NAV3: variants seen among roughly 807,000 people sequenced by gnomAD.
The protein encoded by NAV3 is neuron navigator 3, also known as pore membrane and/or filament interacting like protein 1.
A neutral mutation model predicts 244.7 loss-of-function variants in NAV3; 87 were observed. That is an observed-to-expected ratio of 0.36 (90% CI 0.30 to 0.42). The LOEUF is 0.42. Ranked by LOEUF, NAV3 falls within the 20% of genes least tolerant of loss-of-function variation. The pLI, the probability that NAV3 is intolerant of heterozygous loss-of-function variation, is 1.00. For synonymous variants in NAV3, 1,126 were observed against 1,042.2 expected (o/e 1.08, Z -1.55); for missense variants, 2,663 against 2,893.3 (o/e 0.92, Z 1.83).
intron 2 of NAV3, among the ~76,000 whole-genome samples, chr12:77,650,710 T>C (rs1333868526): frequency 1.3e-5 from 2 of 152,126 alleles, no homozygotes; most frequent in Non-Finnish European, 2.9e-5. Flanking sequence ...TCATGGATGT[T>C]ATAAACCTGA....
At chr12:77,575,775 G>A (rs1038348164) in intron 2 of NAV3, among the ~76,000 whole-genome samples, 1 of 152,092 alleles carries the variant, frequency 6.6e-6, no homozygotes, top group Non-Finnish European at 1.5e-5. Context: ...ATTGCTCCAT[G>A]AATATTTTGT....
At chr12:77,582,222 C>G (rs906850299) in intron 2 of NAV3, among the ~76,000 whole-genome samples, 1 of 152,170 alleles carries the variant, frequency 6.6e-6, no homozygotes, top group Non-Finnish European at 1.5e-5. Context: ...ATCTAATTTA[C>G]TAATGTGTTG....
At chr12:78,086,239 C>T (rs1270183100) in intron 12 of NAV3, among the ~76,000 whole-genome samples, 11 of 152,020 alleles carry the variant, frequency 7.2e-5, no homozygotes, top group Admixed American at 6.6e-4. Context: ...AAAGAAAACA[C>T]TAAATCTGCC....
At chr12:77,672,798 A>C (rs1026399632) in intron 2 of NAV3, among the ~76,000 whole-genome samples, 7 of 151,924 alleles carry the variant, frequency 4.6e-5, no homozygotes, top group Non-Finnish European at 8.8e-5. Context: ...GTTCCCTAAA[A>C]ACTTATTGAA....
At chr12:77,796,222 A>G (rs1018215907) in intron 2 of NAV3, among the ~76,000 whole-genome samples, 4 of 152,216 alleles carry the variant, frequency 2.6e-5, no homozygotes, top group Non-Finnish European at 5.9e-5. Flanking sequence ...TTAAAATATC[A>G]ACATTAATGA....
Position 77,873,744 on chromosome 12 carries a change from G to GTATATATA in NAV3, c.243+42056_243+42063dup, listed in dbSNP as rs556787799. Among the ~76,000 whole-genome samples, 334 of 73,124 alleles carry GTATATATA rather than the reference G, an allele frequency of 4.6e-3. 1 individual carries two copies. The highest frequency in any genetic ancestry group is 6.5e-3 in the Non-Finnish European group (225 of 34,488). The allele number at this position is 73,124 out of a possible 152,430, so 48.0% of individuals were successfully genotyped here. ...CTTATCTAAATACATATGTGTGTGTGTATATATATATATATATATATATGT... is the reference window on the plus strand; with the variant it reads ...CTTATCTAAATACATATGTGTGTGTGTATATATATATATATATATATATATATATATGT... On this transcript the variant is annotated intron_variant, in intron 1 of 39. Transcript: ENST00000397909.
chr12:78,171,840 A>G (rs1323731568), intron 24 of NAV3, among the ~76,000 whole-genome samples: 2 of 151,600 alleles, frequency 1.3e-5, no homozygotes, highest in African/African-American at 4.8e-5. Flanking sequence ...TTGGAATGAC[A>G]CAACAGTTTT....
chr12:77,624,186 G>A (rs1324705133), intron 2 of NAV3, among the ~76,000 whole-genome samples: 1 of 152,138 alleles, frequency 6.6e-6, no homozygotes, highest in African/African-American at 2.4e-5. Context: ...GTTTTGAAAA[G>A]TAGAAATGAA....
At chr12:77,916,776 ATTG>A (rs1210015011) in intron 1 of NAV3, among the ~76,000 whole-genome samples, 23 of 152,154 alleles carry the variant, frequency 1.5e-4, no homozygotes, top group African/African-American at 5.1e-4. Flanking sequence ...TCAAAATACA[ATTG>A]TTGATCTCAT....
rs188855218 is a variant in NAV3, at chr12:78,032,594, T to C, written c.2023+10732T>C. ...ATTTACCCAATCTGATGATGGTAGCTCCAATAATTATTATAGTCAGGTGAA... is the reference window on the plus strand; with the variant it reads ...ATTTACCCAATCTGATGATGGTAGCCCCAATAATTATTATAGTCAGGTGAA... On this transcript the variant is annotated intron_variant, in intron 9 of 39. Coordinates refer to ENST00000397909, the MANE Select transcript of NAV3 (RefSeq NM_001024383.2). Among the ~76,000 whole-genome samples the C allele has an allele frequency of 7.2e-5, 11 of 152,338 alleles. No homozygotes were observed. In the East Asian group the frequency reaches 2.1e-3, roughly 29 times the overall value.
chr12:77,619,692 A>C (rs1871285281), intron 2 of NAV3, among the ~76,000 whole-genome samples: 1 of 152,218 alleles, frequency 6.6e-6, no homozygotes, highest in African/African-American at 2.4e-5. Context: ...CGTGGGAAAG[A>C]AAAATGAATA....
chr12:77,609,834 C>A (rs899280777), intron 2 of NAV3, among the ~76,000 whole-genome samples: 1 of 151,994 alleles, frequency 6.6e-6, no homozygotes, highest in African/African-American at 2.4e-5. Flanking sequence ...TGCTGCTTGA[C>A]ACTTTATTTA....
Position 78,160,402 on chromosome 12 carries a change from T to TGTGTGTGC in NAV3, c.4869+1117_4869+1118insTGTGTGCG, listed in dbSNP as rs776750180. Among the ~76,000 whole-genome samples the TGTGTGTGC allele has an allele frequency of 6.6e-5, 6 of 90,482 alleles. No individual in the cohort carries two copies. In the East Asian group the frequency reaches 5.5e-3, roughly 83 times the overall value. The allele number at this position is 90,482 out of a possible 152,430, so 59.4% of individuals were successfully genotyped here. A position where few individuals can be genotyped will look rare whatever the true frequency, so the allele number is the denominator to read the frequency against. ...GAGTGTGTGTGTGTGTGTGTGTGCG[T>TGTGTGTGC]GCGTGTGTGTGTGTGTGTGTGTATG... On this transcript the variant is annotated intron_variant, in intron 23 of 39. Transcript: ENST00000397909.
At chr12:77,798,332 C>T (rs939038034) in intron 2 of NAV3, among the ~76,000 whole-genome samples, 1 of 152,034 alleles carries the variant, frequency 6.6e-6, no homozygotes, top group South Asian at 2.1e-4. Flanking sequence ...AGCATTTCCA[C>T]TAATATTTTT....
chr12:77,720,080 T>C (rs1285108553), intron 2 of NAV3, among the ~76,000 whole-genome samples: 3 of 152,168 alleles, frequency 2.0e-5, no homozygotes, highest in African/African-American at 7.2e-5. Context: ...ATCCAACTTA[T>C]TGGCACATAG....
At chr12:77,828,214 C>A (rs1873217681), upstream of NAV3, among the ~76,000 whole-genome samples, 1 of 152,118 alleles carries the variant, frequency 6.6e-6, no homozygotes, top group Non-Finnish European at 1.5e-5. Flanking sequence ...TAAAAGCGAG[C>A]TTGGCCCTTT....
At chr12:77,781,025 A>G (rs1870636545) in intron 2 of NAV3, among the ~76,000 whole-genome samples, 2 of 152,162 alleles carry the variant, frequency 1.3e-5, no homozygotes, top group South Asian at 4.1e-4. Context: ...CTGCATAACA[A>G]TAACCACACA....
intron 2 of NAV3, among the ~76,000 whole-genome samples, chr12:77,757,091 A>T (rs1373532068): frequency 1.3e-5 from 2 of 152,202 alleles, no homozygotes; most frequent in Admixed American, 1.3e-4. Context: ...TTATTCAAGG[A>T]TCCTCTTAAA....
intron 2 of NAV3, among the ~76,000 whole-genome samples, chr12:77,681,909 T>C (rs1486075253): frequency 2.0e-5 from 3 of 152,246 alleles, no homozygotes; most frequent in Non-Finnish European, 2.9e-5. Context: ...AATGATGTTT[T>C]GATATATTTG....
Sources: allele counts gnomAD v4.1 joint callset (sites outside exome capture counted in the v4.1 genomes callset), GRCh38; gene constraint gnomAD v4.1.1; transcripts MANE v1.5; gene names NCBI Gene and HGNC (gene_info 2026-07-23, HGNC 2026-07-21).